Variants in AKTIP observed in about 807,000 individuals in gnomAD.
AKTIP encodes the protein AKT-interacting protein.
A neutral mutation model predicts 39.1 loss-of-function variants in AKTIP; 16 were observed. The ratio of observed to expected loss-of-function variants is 0.41; its 90% CI spans 0.28 to 0.62. The LOEUF is 0.62. Among genes scored for constraint, AKTIP ranks in the 20% least tolerant of loss-of-function variants. AKTIP has a pLI of 0.32. For missense variants in AKTIP, 262 were observed against 356.6 expected, an observed-to-expected ratio of 0.73 and a Z score of 2.14; for synonymous variants, 93 against 124.3, an observed-to-expected ratio of 0.75 and a Z score of 1.67.
intron 2 of AKTIP, 101 bp from the exon 3 acceptor site, chr16:53,498,697 C>T (rs748620330): frequency 6.8e-6 from 8 of 1,178,056 alleles, no homozygotes; most frequent in South Asian, 1.3e-5. Flanking sequence ...TACTCCTTTA[C>T]AAGCACATTC....
chr16:53,495,194 G>A (rs1961755746), intron 4 of AKTIP, 21 bp from the exon 5 acceptor site: 2 of 1,612,466 alleles, frequency 1.2e-6, no homozygotes, highest in African/African-American at 2.7e-5. Flanking sequence ...AAATAAAAGA[G>A]TTAAGGCCTA....
chr16:53,497,911 G>A (rs1338091553), intron 3 of AKTIP, among the ~76,000 whole-genome samples: 1 of 152,116 alleles, frequency 6.6e-6, no homozygotes, highest in Non-Finnish European at 1.5e-5. Flanking sequence ...ATCAAACCTG[G>A]CTAATTTTTG....
chr16:53,495,633 G>A (rs1379059443), intron 3 of AKTIP, among the ~76,000 whole-genome samples: 1 of 152,162 alleles, frequency 6.6e-6, no homozygotes, highest in African/African-American at 2.4e-5. Context: ...CCAGAAATTC[G>A]CTCTTCCAAA....
rs369668384 is a variant in AKTIP at position 53,496,787 on chromosome 16, G to A, written c.249-1461C>T. On this transcript the variant is annotated intron_variant, in intron 3 of 9. Transcript: ENST00000394657. The stretch of plus-strand genomic sequence containing the variant: ...TCTGAGGAGGCAGAGGCTGCAGTAA[G>A]CTGAGATTGTGCCACTGCACCCCAG... Among the ~76,000 whole-genome samples the A allele has an allele frequency of 9.1e-4, 138 of 152,170 alleles. No individual in the cohort carries two copies. In the East Asian group the frequency reaches 0.011, roughly 12 times the overall value.
At chr16:53,497,287 T>C (rs1961897202) in intron 3 of AKTIP, among the ~76,000 whole-genome samples, 1 of 152,182 alleles carries the variant, frequency 6.6e-6, no homozygotes, top group Non-Finnish European at 1.5e-5. Context: ...CTTGGCTTCT[T>C]GCACTCCACA....
intron 3 of AKTIP, among the ~76,000 whole-genome samples, chr16:53,497,633 G>A (rs529653362): frequency 6.6e-6 from 1 of 152,214 alleles, no homozygotes; most frequent in East Asian, 1.9e-4. Context: ...CCTCCAGATG[G>A]GTCTGACCCA....
intron 9 of AKTIP, 36 bp from the exon 10 acceptor site, chr16:53,492,555 T>A: frequency 6.2e-7 from 1 of 1,610,332 alleles, no homozygotes; most frequent in Non-Finnish European, 8.5e-7. Flanking sequence ...TTTAAAAAAT[T>A]ACTGGTGAGG....
chr16:53,496,249 T>C (rs1052882174), intron 3 of AKTIP, among the ~76,000 whole-genome samples: 3 of 152,188 alleles, frequency 2.0e-5, no homozygotes, highest in African/African-American at 7.2e-5. Context: ...AGTAGCAACA[T>C]GGCTGGCAGC....
At chr16:53,497,272 C>T (rs1296042509) in intron 3 of AKTIP, among the ~76,000 whole-genome samples, 3 of 152,214 alleles carry the variant, frequency 2.0e-5, no homozygotes, top group Non-Finnish European at 4.4e-5. Context: ...GCACTCCGCA[C>T]CCTGCTTGGC....
chr16:53,500,394 TTA>T, intron 1 of AKTIP, 65 bp from the exon 2 acceptor site: 1 of 1,069,210 alleles, frequency 9.4e-7, no homozygotes, highest in Admixed American at 3.1e-5. Context: ...TTTTTTTTTT[TTA>T]AGATGGAGTC....
Position 53,495,319 on chromosome 16 carries a change from C to G in AKTIP, c.256G>C (p.Val86Leu). The G allele has an allele frequency of 6.2e-7, 1 of 1,614,156 alleles. No homozygotes were observed. The highest frequency in any genetic ancestry group is 2.2e-5 in the East Asian group (1 of 44,882). ...EYSLLAEFTL[V>L]VKQKLPGVYV... ...ACGCCTGGTAGCTTCTGCTTCACAA[C>G]CAAGGTACTACAACAAAAGCAGAAT... The change falls in exon 4 of 10, where the codon GTT (valine) becomes CTT (leucine). Residue 86 changes from valine to leucine, a missense_variant. Val to Leu is a conservative substitution (Grantham distance 32). Around this residue, in one of 4 missense-constraint regions of AKTIP, gnomAD observed 88 missense variants for 132.1 expected, o/e 0.67. Transcript: ENST00000394657.
At chr16:53,495,411 G>C in intron 3 of AKTIP, 85 bp from the exon 4 acceptor site, 5 of 1,323,120 alleles carry the variant, frequency 3.8e-6, no homozygotes, top group Non-Finnish European at 5.4e-6. Context: ...TTGAGACAAT[G>C]AACGGCCCCT....
At chr16:53,496,263 A>C (rs1598154057) in intron 3 of AKTIP, among the ~76,000 whole-genome samples, 1 of 152,278 alleles carries the variant, frequency 6.6e-6, no homozygotes, top group East Asian at 1.9e-4. Context: ...TGGCAGCTGT[A>C]TCTCTACTAC....
intron 2 of AKTIP, among the ~76,000 whole-genome samples, chr16:53,499,079 C>T (rs1007592777): frequency 3.2e-4 from 48 of 152,216 alleles, no homozygotes; most frequent in African/African-American, 1.1e-3. Flanking sequence ...TATTCTCTCA[C>T]TTGCCTGGGT....
In AKTIP at chr16:53,491,919, A is replaced by C. The variant is rs917215787; in HGVS notation, c.*493T>G. On this transcript the variant is annotated 3_prime_UTR_variant, in exon 10 of 10. Coordinates refer to ENST00000394657, the MANE Select transcript of AKTIP (RefSeq NM_022476.4). ...ACATTTCTCAGTGATTTCAGTTTGT[A>C]AATCAGTAAGACAGTGCAGGCTACA... 1 of 152,742 alleles carries C rather than the reference A, an allele frequency of 6.5e-6. No individual in the cohort carries two copies. Among genetic ancestry groups the C allele is most frequent in the Admixed American group, 6.5e-5 (1 of 15,284 alleles). The allele number at this position is 152,742 out of a possible 1,614,324, so 9.5% of individuals were successfully genotyped here. A position where few individuals can be genotyped will look rare whatever the true frequency, so the allele number is the denominator to read the frequency against.
rs1567753500 is a variant in AKTIP at position 53,491,443 on chromosome 16, ATCT to A, written c.*966_*968del. On this transcript the variant is annotated 3_prime_UTR_variant, in exon 10 of 10. Transcript: ENST00000394657. ...CAGCAGTTTTCAAGTCAAATTAATAATCTTATTAGGGAGAAAATTCAATTGTAA... is the reference window on the plus strand; with the variant it reads ...CAGCAGTTTTCAAGTCAAATTAATAATATTAGGGAGAAAATTCAATTGTAA... 1 of 152,484 alleles carries A rather than the reference ATCT, an allele frequency of 6.6e-6. No homozygotes were observed. The highest frequency in any genetic ancestry group is 1.9e-4 in the East Asian group (1 of 5,202). The allele number at this position is 152,484 out of a possible 1,614,324, so 9.4% of individuals were successfully genotyped here.
Position 53,494,165 on chromosome 16 carries a change from G to T in AKTIP, c.683C>A (p.Pro228His). Residue 228 changes from proline (P) to histidine (H), a missense_variant, in exon 8 of 10, where the codon CCT becomes CAT. By Grantham distance (77) the Pro-to-His change is moderately conservative. Around this residue, in one of 4 missense-constraint regions of AKTIP, gnomAD observed 145 missense variants for 159.3 expected, o/e 0.91. Coordinates refer to ENST00000394657, the MANE Select transcript of AKTIP (RefSeq NM_022476.4). ...KVCTARLFDQ[P>H]KIEDPYAISF... ...AATTGCATAGGGGTCTTCTATTTTAGGTTGGTCAAACAAACGAGCAGTGCA... is the reference window on the plus strand; with the variant it reads ...AATTGCATAGGGGTCTTCTATTTTATGTTGGTCAAACAAACGAGCAGTGCA... The T allele has an allele frequency of 6.2e-7, 1 of 1,614,104 alleles. No homozygotes were observed. Among genetic ancestry groups the T allele is most frequent in the Non-Finnish European group, 8.5e-7 (1 of 1,179,974 alleles).
intron 8 of AKTIP, chr16:53,493,732 CAT>C (rs1218904982): frequency 1.1e-5 from 2 of 189,316 alleles, no homozygotes; most frequent in African/African-American, 2.3e-5. Context: ...AATCAAATGT[CAT>C]AGTGCTTCAG....
chr16:53,491,783 G>A lies in AKTIP; in HGVS notation c.*629C>T, dbSNP rs1291525494. The A allele has an allele frequency of 5.2e-5, 8 of 152,478 alleles. No individual in the cohort carries two copies. The East Asian group carries it at 1.2e-3, about 22-fold the overall frequency. 9.4% of individuals were successfully genotyped at this position (152,478 alleles called of 1,614,324 possible). A position where few individuals can be genotyped will look rare whatever the true frequency, so the allele number is the denominator to read the frequency against. ...TAAATACCGGACTTCATTAGAAACC[G>A]TTGTAACACTTTTTCTCCCTCCTGC... On this transcript the variant is annotated 3_prime_UTR_variant, in exon 10 of 10. Coordinates refer to ENST00000394657, the MANE Select transcript of AKTIP (RefSeq NM_022476.4).
Sources: gnomAD v4.1 joint callset for allele counts (sites outside exome capture counted in the v4.1 genomes callset) on GRCh38, gnomAD v4.1.1 for gene constraint, gnomAD v4.1.1 regional missense constraint, MANE v1.5 for transcripts, NCBI Gene and HGNC (gene_info 2026-07-23, HGNC 2026-07-21) for gene names.